The following HIVEP3 variants were observed in gnomAD, a reference collection of about 807,000 sequenced individuals.
HIVEP3 encodes HIVEP zinc finger 3.
HIVEP3 carries 49 observed loss-of-function variants against 152.8 expected under a neutral mutation model. The observed-to-expected ratio is 0.32, with a 90% CI of 0.26 to 0.41. HIVEP3 has a LOEUF of 0.41. HIVEP3 is among the 10% of genes least tolerant of loss of function. The pLI, the probability that HIVEP3 is intolerant of heterozygous loss-of-function variation, is 1.00. For missense variants in HIVEP3, 2,790 were observed against 3,103.3 expected (o/e 0.90, Z 2.40); for synonymous variants, 1,269 against 1,289.0 (o/e 0.98, Z 0.33).
At chr1:41,519,650 A>G (rs997050228) in intron 6 of HIVEP3, among the ~76,000 whole-genome samples, 1 of 152,232 alleles carries the variant, frequency 6.6e-6, no homozygotes, top group African/African-American at 2.4e-5. Flanking sequence ...GGATGGATGG[A>G]GGAGAGAAGA....
chr1:41,966,305 G>A (rs1443197377), intron 1 of HIVEP3, among the ~76,000 whole-genome samples: 4 of 151,960 alleles, frequency 2.6e-5, no homozygotes, highest in Non-Finnish European at 4.4e-5. Context: ...ATGACACTAC[G>A]AAGCAACTCC....
At chr1:42,021,687 C>T (rs1645555105) in intron 1 of HIVEP3, among the ~76,000 whole-genome samples, 1 of 152,068 alleles carries the variant, frequency 6.6e-6, no homozygotes, top group South Asian at 2.1e-4. Context: ...GATAAGAAGT[C>T]TAGGGCCTGA....
chr1:41,680,983 T>A (rs1027361317), intron 2 of HIVEP3, among the ~76,000 whole-genome samples: 2 of 152,184 alleles, frequency 1.3e-5, no homozygotes, highest in Admixed American at 6.5e-5. Flanking sequence ...ACAATAATAA[T>A]CCCTGGAGGG....
At chr1:41,800,414 C>A (rs1158286948) in intron 1 of HIVEP3, among the ~76,000 whole-genome samples, 1 of 152,188 alleles carries the variant, frequency 6.6e-6, no homozygotes, top group Non-Finnish European at 1.5e-5. Context: ...CACTGGAGGA[C>A]AAGAGGTCAT....
chr1:41,763,677 T>G (rs573252605), intron 1 of HIVEP3, among the ~76,000 whole-genome samples: 2 of 152,344 alleles, frequency 1.3e-5, no homozygotes, highest in Admixed American at 6.5e-5. Flanking sequence ...ATATATCATA[T>G]AGTAATGCTG....
At chr1:41,951,341 A>C (rs1645105413) in intron 1 of HIVEP3, among the ~76,000 whole-genome samples, 1 of 152,234 alleles carries the variant, frequency 6.6e-6, no homozygotes, top group Non-Finnish European at 1.5e-5. Context: ...ATTTATATAA[A>C]GATTAAAACG....
chr1:41,708,430 G>T (rs1334338779), intron 1 of HIVEP3, among the ~76,000 whole-genome samples: 1 of 152,106 alleles, frequency 6.6e-6, no homozygotes, highest in Non-Finnish European at 1.5e-5. Context: ...AGGGCTTCCT[G>T]CTTTCTCACA....
chr1:41,727,182 T>C (rs1045361129), intron 1 of HIVEP3, among the ~76,000 whole-genome samples: 2 of 152,200 alleles, frequency 1.3e-5, no homozygotes, highest in Non-Finnish European at 2.9e-5. Context: ...TTCACGTGTG[T>C]CATCTCCTTC....
At chr1:41,540,889 G>T (rs1357313922) in intron 5 of HIVEP3, among the ~76,000 whole-genome samples, 2 of 152,126 alleles carry the variant, frequency 1.3e-5, no homozygotes, top group Non-Finnish European at 2.9e-5. Flanking sequence ...TCTAATGGTA[G>T]GAGCTGGGCT....
intron 1 of HIVEP3, among the ~76,000 whole-genome samples, chr1:42,020,201 T>C (rs570343747): frequency 1.2e-4 from 19 of 152,198 alleles, no homozygotes; most frequent in African/African-American, 4.1e-4. Context: ...GATATAATGT[T>C]TTTTCTTGAG....
chr1:41,715,517 G>A (rs1367863222), intron 1 of HIVEP3, among the ~76,000 whole-genome samples: 1 of 152,234 alleles, frequency 6.6e-6, no homozygotes, highest in Non-Finnish European at 1.5e-5. Context: ...AGCACCCATG[G>A]GAACCATGGG....
intron 1 of HIVEP3, among the ~76,000 whole-genome samples, chr1:41,713,208 C>G (rs1453701915): frequency 6.6e-6 from 1 of 152,192 alleles, no homozygotes; most frequent in Non-Finnish European, 1.5e-5. Flanking sequence ...CGATCTGCGC[C>G]CCAGCCCAGA....
chr1:41,748,019 T>C (rs1647099117), intron 1 of HIVEP3, among the ~76,000 whole-genome samples: 1 of 152,134 alleles, frequency 6.6e-6, no homozygotes, highest in South Asian at 2.1e-4. Flanking sequence ...AATGGAAGGA[T>C]CCCCCATTCT....
At chr1:41,531,964 CA>C (rs1433348743) in intron 5 of HIVEP3, among the ~76,000 whole-genome samples, 2 of 109,904 alleles carry the variant, frequency 1.8e-5, no homozygotes, top group Non-Finnish European at 3.7e-5. Context: ...AAATGGAAGA[CA>C]GGGGCGATAG....
intron 1 of HIVEP3, among the ~76,000 whole-genome samples, chr1:41,761,559 T>C (rs1356759204): frequency 1.3e-5 from 2 of 152,144 alleles, no homozygotes; most frequent in African/African-American, 4.8e-5. Flanking sequence ...TGCATAAGTA[T>C]GTGTGCCTGT....
chr1:41,862,544 C>A (rs917319154), intron 1 of HIVEP3, among the ~76,000 whole-genome samples: 1 of 152,202 alleles, frequency 6.6e-6, no homozygotes, highest in Non-Finnish European at 1.5e-5. Flanking sequence ...CACCCCCAAG[C>A]CACTGCAAAC....
rs182703540 is a variant in HIVEP3, at chr1:41,533,447, G to A, written c.5208-8537C>T. The stretch of plus-strand genomic sequence containing the variant: ...CCAAGCCTCCCTGGGCCCAAATCCC[G>A]GGCCAGCTCTGCTGTCCCTCTTTCC... On this transcript the variant is annotated intron_variant, in intron 5 of 8. Transcript: ENST00000372583. This position sits in a 1 kb window ranked among gnomAD's most constrained non-coding sequence, Gnocchi z 4.3. 1.3e-3 allele frequency among the ~76,000 whole-genome samples: 201 copies of A among 152,072 alleles called. 1 individual carries two copies. Among genetic ancestry groups the A allele is most frequent in the African/African-American group, 4.8e-3 (198 of 41,474 alleles).
At chr1:41,889,819 A>G (rs750604151) in intron 1 of HIVEP3, among the ~76,000 whole-genome samples, 17 of 152,208 alleles carry the variant, frequency 1.1e-4, no homozygotes, top group Non-Finnish European at 2.4e-4. Flanking sequence ...TAGGGTTTGC[A>G]GTCTCCTTTA....
intron 1 of HIVEP3, among the ~76,000 whole-genome samples, chr1:41,769,062 A>G (rs1648186485): frequency 6.6e-6 from 1 of 152,212 alleles, no homozygotes; most frequent in Non-Finnish European, 1.5e-5. Context: ...CTTTCTGATC[A>G]ATATCTGTTA....
Sources: allele counts gnomAD v4.1 joint callset (sites outside exome capture counted in the v4.1 genomes callset), GRCh38; gene constraint gnomAD v4.1.1; non-coding constraint Gnocchi (gnomAD v3.1); transcripts MANE v1.5; gene names NCBI Gene and HGNC (gene_info 2026-07-23, HGNC 2026-07-21).